MYOM2: variants seen among roughly 807,000 people sequenced by gnomAD.
MYOM2 encodes the protein myomesin-2.
Under a neutral mutation model 187.6 loss-of-function variants are expected in MYOM2, and 254 were observed. That is an observed-to-expected ratio of 1.35 (90% CI 1.22 to 1.50). The LOEUF (loss-of-function observed/expected upper bound fraction) is 1.50, where lower values mean the gene tolerates loss of function less well. Ranked by LOEUF, MYOM2 falls within the 40% of genes most tolerant of loss-of-function variation. MYOM2 has a pLI of 0.00. For synonymous variants in MYOM2, 981 were observed against 753.8 expected (o/e 1.30, Z -4.94); for missense variants, 2,796 against 1,924.0 (o/e 1.45, Z -8.48).
chr8:2,092,310 T>G (rs748518111), intron 15 of MYOM2, 36 bp from the exon 16 acceptor site: 1 of 1,604,700 alleles, frequency 6.2e-7, no homozygotes, highest in South Asian at 1.1e-5. Context: ...AAAGCTCTGA[T>G]GCCATTTCAC....
Position 2,110,922 on chromosome 8 carries a change from C to T in MYOM2, c.3180+1391C>T, listed in dbSNP as rs78345175. 5.2e-3 allele frequency among the ~76,000 whole-genome samples: 798 copies of T among 152,314 alleles called. 8 individuals are homozygous for T. Among genetic ancestry groups the T allele is most frequent in the African/African-American group, 0.018 (768 of 41,566 alleles). On this transcript the variant is annotated intron_variant, in intron 25 of 36. Transcript: ENST00000262113. ...TCATGACACACTTTAAGACTCACTC[C>T]TACGTGGGAGAGTCGGCTAGAAAGT...
At chr8:2,065,317 T>C (rs1332264859) in intron 6 of MYOM2, among the ~76,000 whole-genome samples, 1 of 152,158 alleles carries the variant, frequency 6.6e-6, no homozygotes, top group African/African-American at 2.4e-5. Flanking sequence ...ATGCCTGTAA[T>C]CCCAGCATGT....
intron 3 of MYOM2, among the ~76,000 whole-genome samples, chr8:2,053,162 A>G (rs1332642637): frequency 6.6e-6 from 1 of 152,266 alleles, no homozygotes; most frequent in Admixed American, 6.5e-5. Flanking sequence ...TTGAGTAAAC[A>G]TCTTTCATTT....
intron 20 of MYOM2, among the ~76,000 whole-genome samples, 169 bp from the exon 21 acceptor site, chr8:2,102,498 A>G (rs1796742208): frequency 7.0e-6 from 1 of 142,990 alleles, no homozygotes; most frequent in African/African-American, 2.5e-5. Context: ...CACATTCTGC[A>G]CCACTGTGAA....
chr8:2,106,443 C>T lies in MYOM2; in HGVS notation c.2891+45C>T, dbSNP rs771731111. 3 of 1,610,244 alleles carry T rather than the reference C, an allele frequency of 1.9e-6. 1 individual carries two copies. The South Asian group carries it at 3.3e-5, about 18-fold the overall frequency. ...TGGATACTGGAAACTTTTAGAAGTT[C>T]CTGCAAACAGAAATGATCGACATTC... is the stretch of plus-strand genomic sequence containing the variant. On this transcript the variant is annotated intron_variant, in intron 22 of 36. Coordinates refer to ENST00000262113, the MANE Select transcript of MYOM2 (RefSeq NM_003970.4).
intron 32 of MYOM2, among the ~76,000 whole-genome samples, chr8:2,139,018 CG>C (rs1798180597): frequency 1.5e-5 from 2 of 132,742 alleles, no homozygotes; most frequent in Non-Finnish European, 3.3e-5. Flanking sequence ...ACCAGAGACC[CG>C]ACACACACTG....
chr8:2,088,014 T>C (rs1336788677), intron 14 of MYOM2, among the ~76,000 whole-genome samples: 1 of 152,224 alleles, frequency 6.6e-6, no homozygotes, highest in Non-Finnish European at 1.5e-5. Context: ...GCTGTCAGTA[T>C]TGATGACATG....
chr8:2,072,016 G>C lies in MYOM2; in HGVS notation c.794-329G>C, dbSNP rs1031794110. ...GGGATTCAACACTGGAATTCTGGGG[G>C]GACACAGACATTCCGTGTGGAGCAC... On this transcript the variant is annotated intron_variant, in intron 8 of 36. Transcript: ENST00000262113. Among the ~76,000 whole-genome samples the C allele has an allele frequency of 8.1e-4, 123 of 152,308 alleles. 1 individual carries two copies. The highest frequency in any genetic ancestry group is 1.7e-3 in the Non-Finnish European group (116 of 68,022).
Position 2,139,455 on chromosome 8 carries a change from A to G in MYOM2, c.3801-1268A>G, listed in dbSNP as rs558256743. Among the ~76,000 whole-genome samples the G allele has an allele frequency of 4.6e-5, 7 of 152,300 alleles. No individual in the cohort carries two copies. The East Asian group carries it at 1.2e-3, about 25-fold the overall frequency. On this transcript the variant is annotated intron_variant, in intron 32 of 36. Coordinates refer to ENST00000262113, the MANE Select transcript of MYOM2 (RefSeq NM_003970.4). ...CACACCCGGCCTGAGCTGTGCATTT[A>G]TTATGGGCTTAACATATATTTGTTG...
At chr8:2,112,920 G>A (rs1866718) in intron 25 of MYOM2, among the ~76,000 whole-genome samples, 1 of 152,196 alleles carries the variant, frequency 6.6e-6, no homozygotes, top group Non-Finnish European at 1.5e-5. Flanking sequence ...CTCCCGCTAC[G>A]CCTGCCTCAT....
Position 2,101,468 on chromosome 8 carries a change from C to T in MYOM2, c.2619+414C>T, listed in dbSNP as rs547870353. Among the ~76,000 whole-genome samples the T allele has an allele frequency of 4.4e-4, 67 of 152,240 alleles. 1 individual carries two copies. The highest frequency in any genetic ancestry group is 2.3e-3 in the Admixed American group (35 of 15,286). ...TGCTGTTGATCTCTGCGCAAGCCAG[C>T]ACCGAGCCCCGAGGTGAACCTGTTC... On this transcript the variant is annotated intron_variant, in intron 20 of 36. Coordinates refer to ENST00000262113, the MANE Select transcript of MYOM2 (RefSeq NM_003970.4).
Position 2,109,896 on chromosome 8 carries a change from G to A in MYOM2, c.3180+365G>A, listed in dbSNP as rs185039569. On this transcript the variant is annotated intron_variant, in intron 25 of 36. Coordinates refer to ENST00000262113, the MANE Select transcript of MYOM2 (RefSeq NM_003970.4). ...CTATTTTTTGCTGTATTGTGAGAGA[G>A]GCCTCCCTGCATTCTCCCCCCACTG... is the stretch of plus-strand genomic sequence containing the variant. Among the ~76,000 whole-genome samples, 107 of 152,246 alleles carry A rather than the reference G, an allele frequency of 7.0e-4. No individual in the cohort carries two copies. In the East Asian group the frequency reaches 0.02, roughly 28 times the overall value.
chr8:2,072,636 C>A, intron 9 of MYOM2, 127 bp downstream of exon 9: 1 of 1,180,208 alleles, frequency 8.5e-7, no homozygotes, highest in Non-Finnish European at 1.2e-6. Flanking sequence ...GCGAAACAAA[C>A]TGAGGGACTG....
intron 20 of MYOM2, among the ~76,000 whole-genome samples, chr8:2,101,490 G>A (rs1563056289): frequency 1.3e-5 from 2 of 152,240 alleles, no homozygotes; most frequent in Non-Finnish European, 2.9e-5. Context: ...AGGTGAACCT[G>A]TTCAGATGAC....
intron 23 of MYOM2, among the ~76,000 whole-genome samples, chr8:2,107,304 T>G (rs1542067): frequency 0.27 from 41,112 of 152,068 alleles, 6,099 homozygotes; most frequent in Non-Finnish European, 0.33. Flanking sequence ...TAGGGCTGGA[T>G]GGTATCCTCA....
chr8:2,082,114 G>C (rs757398460), intron 13 of MYOM2: 2 of 152,198 alleles, frequency 1.3e-5, no homozygotes, highest in African/African-American at 2.4e-5. Flanking sequence ...AGCCTCCCCG[G>C]CTTCAGTTCT....
intron 32 of MYOM2, among the ~76,000 whole-genome samples, chr8:2,134,224 C>T (rs1019371982): frequency 2.0e-5 from 3 of 151,972 alleles, no homozygotes; most frequent in Non-Finnish European, 2.9e-5. Flanking sequence ...TCCTGGTTTC[C>T]CCCCTGTCTA....
intron 31 of MYOM2, among the ~76,000 whole-genome samples, chr8:2,125,534 C>A (rs1192284551): frequency 6.9e-6 from 1 of 145,982 alleles, no homozygotes; most frequent in Non-Finnish European, 1.5e-5. Flanking sequence ...CAGCTTTGTT[C>A]TTTTTCCTAA....
intron 32 of MYOM2, among the ~76,000 whole-genome samples, chr8:2,135,717 G>A (rs1316326380): frequency 2.0e-5 from 3 of 152,152 alleles, no homozygotes; most frequent in Non-Finnish European, 4.4e-5. Flanking sequence ...AAGAGGTTTT[G>A]TCATATTTGG....
Sources: gnomAD v4.1 joint callset for allele counts (sites outside exome capture counted in the v4.1 genomes callset) on GRCh38, gnomAD v4.1.1 for gene constraint, MANE v1.5 for transcripts, NCBI Gene and HGNC (gene_info 2026-07-23, HGNC 2026-07-21) for gene names.